The following ACVR2A variants were observed in gnomAD, a reference collection of about 807,000 sequenced individuals.
ACVR2A encodes the protein activin A receptor type 2A.
In ACVR2A, 7 loss-of-function variants were observed where a neutral mutation model predicts 61.4. The ratio of observed to expected loss-of-function variants is 0.11; its 90% CI spans 0.06 to 0.21. The LOEUF (loss-of-function observed/expected upper bound fraction) is 0.21. Among genes scored for constraint, ACVR2A ranks in the 10% least tolerant of loss-of-function variants. The pLI is 1.00. For synonymous variants in ACVR2A, 193 were observed against 208.3 expected (o/e 0.93, Z 0.63); for missense variants, 322 against 621.7 (o/e 0.52, Z 5.13).
intron 1 of ACVR2A, among the ~76,000 whole-genome samples, chr2:147,894,164 C>T (rs1573686915): frequency 1.3e-5 from 2 of 152,054 alleles, no homozygotes. Flanking sequence ...CTTTTCTCTA[C>T]ATCAGTTGAC....
intron 1 of ACVR2A, among the ~76,000 whole-genome samples, chr2:147,862,369 A>AT (rs199788018): frequency 0.034 from 5,146 of 152,116 alleles, 119 homozygotes; most frequent in Middle Eastern, 0.088. Flanking sequence ...CCTGAAGTAA[A>AT]TTTGTAGGTA....
At chr2:147,845,865 G>T (rs906114550) in intron 1 of ACVR2A, among the ~76,000 whole-genome samples, 3 of 152,194 alleles carry the variant, frequency 2.0e-5, no homozygotes, top group Non-Finnish European at 4.4e-5. Flanking sequence ...ACCACCATTT[G>T]TGTGCTCTTT....
intron 1 of ACVR2A, among the ~76,000 whole-genome samples, chr2:147,892,888 GT>G (rs148172777): frequency 6.6e-6 from 1 of 150,558 alleles, no homozygotes; most frequent in Non-Finnish European, 1.5e-5. Context: ...CTTTTCTATT[GT>G]TTTTTTTGAA....
intron 4 of ACVR2A, among the ~76,000 whole-genome samples, chr2:147,902,603 T>C (rs1686896500): frequency 6.6e-6 from 1 of 152,004 alleles, no homozygotes; most frequent in Non-Finnish European, 1.5e-5. Flanking sequence ...GTGTTTTCCA[T>C]TAAAAATTTC....
chr2:147,861,843 A>G (rs997756581), intron 1 of ACVR2A, among the ~76,000 whole-genome samples: 10 of 151,514 alleles, frequency 6.6e-5, no homozygotes, highest in Non-Finnish European at 1.5e-4. Flanking sequence ...TGAAATTTCT[A>G]AAAGTGTATC....
Position 147,928,700 on chromosome 2 carries a change from A to G in ACVR2A, c.*1426A>G, listed in dbSNP as rs916493615. On this transcript the variant is annotated 3_prime_UTR_variant, in exon 11 of 11. Transcript: ENST00000241416. Reference sequence around the variant, plus strand: ...ACTAATTTAGGATAGTTCATGCCTTATCCTTGCTAAGAAAATGGAATTGAT... The same window carrying G: ...ACTAATTTAGGATAGTTCATGCCTTGTCCTTGCTAAGAAAATGGAATTGAT... 1.3e-5 allele frequency: 2 copies of G among 152,348 alleles called. No homozygotes were observed. Among genetic ancestry groups the G allele is most frequent in the African/African-American group, 4.8e-5 (2 of 41,386 alleles). 9.4% of individuals were successfully genotyped at this position (152,348 alleles called of 1,614,324 possible).
intron 1 of ACVR2A, among the ~76,000 whole-genome samples, chr2:147,863,651 T>A (rs1249790568): frequency 6.6e-6 from 1 of 152,212 alleles, no homozygotes; most frequent in Non-Finnish European, 1.5e-5. Context: ...ATATTTTTAC[T>A]CTTCATTAAG....
At chr2:147,859,021 T>G (rs1406187432) in intron 1 of ACVR2A, among the ~76,000 whole-genome samples, 2 of 152,192 alleles carry the variant, frequency 1.3e-5, no homozygotes, top group Non-Finnish European at 2.9e-5. Context: ...CTCCCCCACC[T>G]TAGAAATATG....
In ACVR2A at chr2:147,930,436, T is replaced by A. The variant is rs1216352947; in HGVS notation, c.*3162T>A. On this transcript the variant is annotated 3_prime_UTR_variant, in exon 11 of 11. Transcript: ENST00000241416. ...CTTTTATACTTTTTTGAAAGATTACTTTTTAGGAACATTTGGTATGATATG... is the reference window on the plus strand; with the variant it reads ...CTTTTATACTTTTTTGAAAGATTACATTTTAGGAACATTTGGTATGATATG... 6.6e-6 allele frequency: 1 copy of A among 152,248 alleles called. No homozygotes were observed. The highest frequency in any genetic ancestry group is 1.5e-5 in the Non-Finnish European group (1 of 67,922). The allele number at this position is 152,248 out of a possible 1,614,324, so 9.4% of individuals were successfully genotyped here.
At chr2:147,878,683 T>C (rs1371359089) in intron 1 of ACVR2A, among the ~76,000 whole-genome samples, 1 of 151,860 alleles carries the variant, frequency 6.6e-6, no homozygotes, top group Non-Finnish European at 1.5e-5. Context: ...CCGAGGTTGG[T>C]GGATTGCTTG....
chr2:147,867,458 C>T (rs714879), intron 1 of ACVR2A, among the ~76,000 whole-genome samples: 4,992 of 152,218 alleles, frequency 0.033, 211 homozygotes, highest in African/African-American at 0.097. Flanking sequence ...TTACTAAGTT[C>T]TGTCAGTTTG....
chr2:147,865,387 T>A (rs1297378215), intron 1 of ACVR2A, among the ~76,000 whole-genome samples: 1 of 152,220 alleles, frequency 6.6e-6, no homozygotes. Context: ...TTTAGTAGCC[T>A]AATCTAAAGC....
At chr2:147,863,936 A>G (rs1363500221) in intron 1 of ACVR2A, among the ~76,000 whole-genome samples, 1 of 152,228 alleles carries the variant, frequency 6.6e-6, no homozygotes, top group Non-Finnish European at 1.5e-5. Flanking sequence ...TAAAATGATT[A>G]TACCTTGACT....
rs754294828 is a variant in ACVR2A, at chr2:147,915,168, GTAT to G, written c.529-12_529-10del. 9 of 1,606,152 alleles carry G rather than the reference GTAT, an allele frequency of 5.6e-6. No homozygotes were observed. The highest frequency in any genetic ancestry group is 4.5e-5 in the East Asian group (2 of 44,698). The stretch of plus-strand genomic sequence containing the variant: ...GTGTGTCATGTTCTGCTTATTTATA[GTAT>G]TATTATTATTTATCTGTAGGACCCA... On this transcript the variant is annotated intron_variant, in intron 4 of 10. Transcript: ENST00000241416.
intron 1 of ACVR2A, 147 bp downstream of exon 1, chr2:147,845,354 C>CCCCG (rs1685282958): frequency 3.8e-6 from 2 of 529,156 alleles, no homozygotes; most frequent in Admixed American, 7.9e-5. Context: ...CACCGCCCCC[C>CCCCG]CCCCCCGCCC....
rs1333096965 is a variant in ACVR2A, at chr2:147,929,423, T to C, written c.*2149T>C. The C allele has an allele frequency of 1.3e-5, 2 of 152,304 alleles. No individual in the cohort carries two copies. The highest frequency in any genetic ancestry group is 1.9e-4 in the East Asian group (1 of 5,188). The allele number at this position is 152,304 out of a possible 1,614,324, so 9.4% of individuals were successfully genotyped here. ...GATATTATGATGAATGTTTGGCTTATGTGAGTACTAGAGATAAAATTTTTA... is the reference window on the plus strand; with the variant it reads ...GATATTATGATGAATGTTTGGCTTACGTGAGTACTAGAGATAAAATTTTTA... On this transcript the variant is annotated 3_prime_UTR_variant, in exon 11 of 11. Coordinates refer to ENST00000241416, the MANE Select transcript of ACVR2A (RefSeq NM_001616.5).
At chr2:147,917,661 T>C (rs184276417) in intron 6 of ACVR2A, among the ~76,000 whole-genome samples, 1 of 152,124 alleles carries the variant, frequency 6.6e-6, no homozygotes, top group Admixed American at 6.6e-5. Flanking sequence ...ACCCTTTTGT[T>C]CCTTATTTCT....
At chr2:147,902,402 GTT>G (rs938457411) in intron 4 of ACVR2A, among the ~76,000 whole-genome samples, 10 of 151,754 alleles carry the variant, frequency 6.6e-5, no homozygotes, top group Non-Finnish European at 1.2e-4. Context: ...CATGCCTTTT[GTT>G]TCATATAATT....
At chr2:147,903,567 C>T (rs1325465533) in intron 4 of ACVR2A, among the ~76,000 whole-genome samples, 1 of 151,916 alleles carries the variant, frequency 6.6e-6, no homozygotes, top group Non-Finnish European at 1.5e-5. Context: ...TGTGGGCTCT[C>T]AGTGAGCCAC....
Sources: allele counts gnomAD v4.1 joint callset (sites outside exome capture counted in the v4.1 genomes callset), GRCh38; gene constraint gnomAD v4.1.1; transcripts MANE v1.5; gene names NCBI Gene and HGNC (gene_info 2026-07-23, HGNC 2026-07-21).